Variants in ARSJ observed in about 807,000 individuals in gnomAD.
ARSJ encodes the protein arylsulfatase family member J.
In ARSJ, 26 loss-of-function variants were observed where a neutral mutation model predicts 35.9. The ratio of observed to expected loss-of-function variants is 0.72; its 90% CI spans 0.53 to 1.00. The LOEUF is 1.00. ARSJ is among the 50% of genes least tolerant of loss of function. The pLI is 0.00. For synonymous variants in ARSJ, 294 were observed against 267.6 expected (o/e 1.10, Z -0.96); for missense variants, 667 against 723.6 (o/e 0.92, Z 0.90).
intron 1 of ARSJ, among the ~76,000 whole-genome samples, chr4:113,908,200 C>A (rs376080406): frequency 5.3e-5 from 8 of 152,296 alleles, no homozygotes; most frequent in Admixed American, 1.3e-4. Context: ...AGAGAACTGG[C>A]AAAACTTAAA....
At position 113,945,025 on chromosome 4, in the gene ARSJ, T is replaced by C. The variant is rs567232141; in HGVS notation, c.398+33412A>G. Among the ~76,000 whole-genome samples, 21 of 152,200 alleles carry C rather than the reference T, an allele frequency of 1.4e-4. No homozygotes were observed. The South Asian group carries it at 4.1e-3, about 30-fold the overall frequency. On this transcript the variant is annotated intron_variant, in intron 1 of 1. Transcript: ENST00000315366. Reference sequence around the variant, plus strand: ...AATATTTGGCGTGTTTATATCTGAATAGGAATAATTTATTTAGCTTTTGAA... The same window carrying C: ...AATATTTGGCGTGTTTATATCTGAACAGGAATAATTTATTTAGCTTTTGAA...
chr4:113,910,218 C>T (rs1003551643), intron 1 of ARSJ, among the ~76,000 whole-genome samples: 2 of 152,062 alleles, frequency 1.3e-5, no homozygotes, highest in African/African-American at 4.8e-5. Flanking sequence ...TTCAGCTTGG[C>T]ATTAGAATAT....
At chr4:113,939,979 C>T (rs571244209) in intron 1 of ARSJ, among the ~76,000 whole-genome samples, 21 of 151,710 alleles carry the variant, frequency 1.4e-4, no homozygotes, top group Non-Finnish European at 2.2e-4. Flanking sequence ...ATTATTAAAA[C>T]GTCAGGAAAC....
At chr4:113,947,293 C>T (rs1725549569) in intron 1 of ARSJ, among the ~76,000 whole-genome samples, 1 of 151,906 alleles carries the variant, frequency 6.6e-6, no homozygotes, top group Non-Finnish European at 1.5e-5. Flanking sequence ...TCAGCCTGGG[C>T]AACATGGCAA....
At position 113,902,304 on chromosome 4, in the gene ARSJ, T is replaced by G; in HGVS notation, c.1770A>C (p.Ser590=). 1 of 1,612,400 alleles carries G rather than the reference T, an allele frequency of 6.2e-7. No individual in the cohort carries two copies. ...CACAAGTAACACCTGAATGGCAAGT[T>G]GAACCTGAGACTGCTTTCTGCTGTT... ...KKKQQKAVSG[S]TCHSGVTCG is the part of the protein sequence containing the mutation. Residue 590 remains serine (S), a synonymous_variant, in exon 2 of 2, where the codon TCA becomes TCC. Coordinates refer to ENST00000315366, the MANE Select transcript of ARSJ (RefSeq NM_024590.4).
chr4:113,927,429 G>A (rs1724139600), intron 1 of ARSJ, among the ~76,000 whole-genome samples: 2 of 152,214 alleles, frequency 1.3e-5, no homozygotes, highest in South Asian at 4.1e-4. Context: ...TAATGGACCA[G>A]TGTGATATCT....
intron 1 of ARSJ, among the ~76,000 whole-genome samples, chr4:113,924,076 A>AATATATATAT (rs1164333093): frequency 1.9e-4 from 18 of 95,676 alleles, no homozygotes; most frequent in African/African-American, 4.3e-4. Context: ...AATATATATA[A>AATATATATAT]ATATATATAT....
intron 1 of ARSJ, among the ~76,000 whole-genome samples, chr4:113,925,568 C>G (rs1234163303): frequency 6.6e-6 from 1 of 152,130 alleles, no homozygotes; most frequent in Non-Finnish European, 1.5e-5. Context: ...CCAACTGTTT[C>G]AGGATGATAG....
At chr4:113,927,611 A>C (rs1389599211) in intron 1 of ARSJ, among the ~76,000 whole-genome samples, 1 of 152,212 alleles carries the variant, frequency 6.6e-6, no homozygotes, top group Non-Finnish European at 1.5e-5. Context: ...GCATTTGCCA[A>C]GTCAGTGGCT....
At chr4:113,925,316 AG>A (rs1397240177) in intron 1 of ARSJ, among the ~76,000 whole-genome samples, 4 of 152,114 alleles carry the variant, frequency 2.6e-5, no homozygotes, top group African/African-American at 9.7e-5. Context: ...TCGCAGGAAC[AG>A]GGAGCAAAAA....
At chr4:113,925,717 GATGGT>G (rs1020215049) in intron 1 of ARSJ, among the ~76,000 whole-genome samples, 2 of 152,186 alleles carry the variant, frequency 1.3e-5, no homozygotes, top group Non-Finnish European at 2.9e-5. Flanking sequence ...TGAGTCCACA[GATGGT>G]AGTCTTGGCA....
At chr4:113,967,387 G>A (rs1016872213) in intron 1 of ARSJ, among the ~76,000 whole-genome samples, 2 of 152,108 alleles carry the variant, frequency 1.3e-5, no homozygotes, top group African/African-American at 4.8e-5. Context: ...TGAAAATTCA[G>A]TTAAATCTAA....
In ARSJ at chr4:113,940,481, A is replaced by G. The variant is rs116838245; in HGVS notation, c.399-36806T>C. Among the ~76,000 whole-genome samples, 436 of 151,938 alleles carry G rather than the reference A, an allele frequency of 2.9e-3. 1 individual carries two copies. The highest frequency in any genetic ancestry group is 9.9e-3 in the African/African-American group (410 of 41,530). On this transcript the variant is annotated intron_variant, in intron 1 of 1. Coordinates refer to ENST00000315366, the MANE Select transcript of ARSJ (RefSeq NM_024590.4). ...AATGAGGGGAACAACACACACTGGG[A>G]CCTATAGGGAGTGGGCGGTCGGGGG...
intron 1 of ARSJ, among the ~76,000 whole-genome samples, chr4:113,963,655 T>C (rs1726706344): frequency 6.6e-6 from 1 of 152,008 alleles, no homozygotes; most frequent in African/African-American, 2.4e-5. Flanking sequence ...GAACAGCACC[T>C]GGCAAAGAGT....
chr4:113,957,724 T>C (rs1336485982), intron 1 of ARSJ, among the ~76,000 whole-genome samples: 1 of 152,066 alleles, frequency 6.6e-6, no homozygotes, highest in Admixed American at 6.6e-5. Flanking sequence ...AAAGTAACAT[T>C]AACTTGCAAA....
At chr4:113,964,224 A>G (rs1419240876) in intron 1 of ARSJ, among the ~76,000 whole-genome samples, 3 of 152,088 alleles carry the variant, frequency 2.0e-5, no homozygotes, top group Non-Finnish European at 4.4e-5. Context: ...ACACTCTGAA[A>G]CTGATGAAAA....
At position 113,947,863 on chromosome 4, in the gene ARSJ, G is replaced by A. The variant is rs116701036; in HGVS notation, c.398+30574C>T. Among the ~76,000 whole-genome samples, 372 of 151,982 alleles carry A rather than the reference G, an allele frequency of 2.4e-3. 1 individual carries two copies. The highest frequency in any genetic ancestry group is 8.5e-3 in the African/African-American group (354 of 41,472). Reference sequence around the variant, plus strand: ...AATATGGATATTTTCTTTAATTACGGCATTTTCAAAAGTAAGCTTTTAAAT... The same window carrying A: ...AATATGGATATTTTCTTTAATTACGACATTTTCAAAAGTAAGCTTTTAAAT... On this transcript the variant is annotated intron_variant, in intron 1 of 1. Coordinates refer to ENST00000315366, the MANE Select transcript of ARSJ (RefSeq NM_024590.4).
intron 1 of ARSJ, among the ~76,000 whole-genome samples, chr4:113,951,277 T>C (rs1387414168): frequency 6.6e-6 from 1 of 152,156 alleles, no homozygotes; most frequent in Non-Finnish European, 1.5e-5. Context: ...ATCTCTTCTA[T>C]GTTAATGTTC....
rs17621033 is a variant in ARSJ at position 113,972,211 on chromosome 4, G to C, written c.398+6226C>G. Among the ~76,000 whole-genome samples, 1,936 of 144,722 alleles carry C rather than the reference G, an allele frequency of 0.013. 111 individuals carry two copies. In the East Asian group the frequency reaches 0.17, roughly 12 times the overall value. The allele number at this position is 144,722 out of a possible 152,430, so 94.9% of individuals were successfully genotyped here. A position where few individuals can be genotyped will look rare whatever the true frequency, so the allele number is the denominator to read the frequency against. ...TGCCTGACTGTACAGTGTGGCTATAGCTGACAAGGCCCAGCTGAGGCAATT... is the reference window on the plus strand; with the variant it reads ...TGCCTGACTGTACAGTGTGGCTATACCTGACAAGGCCCAGCTGAGGCAATT... On this transcript the variant is annotated intron_variant, in intron 1 of 1. Coordinates refer to ENST00000315366, the MANE Select transcript of ARSJ (RefSeq NM_024590.4).
Sources: allele counts gnomAD v4.1 joint callset (sites outside exome capture counted in the v4.1 genomes callset), GRCh38; gene constraint gnomAD v4.1.1; transcripts MANE v1.5; gene names NCBI Gene and HGNC (gene_info 2026-07-23, HGNC 2026-07-21).